The following COA1 variants were observed in gnomAD, a reference collection of about 807,000 sequenced individuals.
COA1 encodes the protein cytochrome c oxidase assembly factor 1 homolog.
In COA1, 13 loss-of-function variants were observed where a neutral mutation model predicts 16.0. The observed-to-expected ratio is 0.81, with a 90% confidence interval of 0.53 to 1.29. The LOEUF (loss-of-function observed/expected upper bound fraction) is 1.29. Ranked by LOEUF, COA1 falls within the 50% of genes most tolerant of loss-of-function variation. The pLI, the probability that COA1 is intolerant of heterozygous loss-of-function variation, is 0.00. For synonymous variants in COA1, 65 were observed against 65.7 expected (o/e 0.99, Z 0.05); for missense variants, 179 against 177.0 (o/e 1.01, Z -0.06).
chr7:43,619,673 TGAA>T, intron 6 of COA1: 7 of 1,614,142 alleles, frequency 4.3e-6, no homozygotes, highest in South Asian at 1.1e-5. Context: ...TCAAGAATAT[TGAA>T]GAACAGTGAA....
At chr7:43,689,362 G>A (rs2094174428) in intron 1 of COA1, among the ~76,000 whole-genome samples, 1 of 152,208 alleles carries the variant, frequency 6.6e-6, no homozygotes, top group Admixed American at 6.5e-5. Flanking sequence ...TCTGGTATGT[G>A]TGTGTTTGTG....
intron 1 of COA1, among the ~76,000 whole-genome samples, chr7:43,658,252 G>A (rs1033267015): frequency 7.3e-5 from 11 of 151,656 alleles, no homozygotes; most frequent in South Asian, 6.3e-4. Flanking sequence ...GGCGGGCACC[G>A]GGAGGCGGAG....
chr7:43,687,616 T>A (rs1485808511), intron 1 of COA1, among the ~76,000 whole-genome samples: 1 of 152,192 alleles, frequency 6.6e-6, no homozygotes, highest in East Asian at 1.9e-4. Context: ...TGACAAAAAT[T>A]GACATTAAAG....
intron 1 of COA1, among the ~76,000 whole-genome samples, chr7:43,662,506 A>C (rs564083006): frequency 2.0e-5 from 3 of 152,386 alleles, no homozygotes; most frequent in African/African-American, 4.8e-5. Flanking sequence ...CTGGGATTAC[A>C]GGCGTGAGCC....
chr7:43,688,831 A>G (rs1429030749), intron 1 of COA1, among the ~76,000 whole-genome samples: 1 of 152,200 alleles, frequency 6.6e-6, no homozygotes, highest in Non-Finnish European at 1.5e-5. Context: ...CCTTTCAATA[A>G]TACTTTCTAG....
intron 5 of COA1, among the ~76,000 whole-genome samples, chr7:43,640,095 C>T (rs939555260): frequency 1.3e-5 from 2 of 152,144 alleles, no homozygotes; most frequent in African/African-American, 4.8e-5. Context: ...TACAGCCTGG[C>T]TAAACAGCAA....
intron 6 of COA1, chr7:43,619,746 T>G: frequency 6.2e-7 from 1 of 1,611,800 alleles, no homozygotes; most frequent in Non-Finnish European, 8.5e-7. Context: ...AAAAGTAGTT[T>G]TGTTCTGGGG....
chr7:43,644,672 G>A (rs960235961), intron 4 of COA1, among the ~76,000 whole-genome samples: 2 of 149,204 alleles, frequency 1.3e-5, no homozygotes, highest in Non-Finnish European at 3.0e-5. Context: ...GATTATAGGT[G>A]TGCACTATCA....
At chr7:43,631,083 G>A (rs571078914) in intron 6 of COA1, 19 of 151,618 alleles carry the variant, frequency 1.3e-4, no homozygotes, top group African/African-American at 3.9e-4. Context: ...TTCCTTTCTG[G>A]TTCAAGAACT....
At chr7:43,712,417 C>T (rs1461305921) in intron 1 of COA1, among the ~76,000 whole-genome samples, 1 of 152,068 alleles carries the variant, frequency 6.6e-6, no homozygotes, top group Non-Finnish European at 1.5e-5. Flanking sequence ...TCATATTCCT[C>T]CAGAATTTTG....
intron 6 of COA1, among the ~76,000 whole-genome samples, chr7:43,617,488 G>A (rs896459517): frequency 6.6e-6 from 1 of 152,176 alleles, no homozygotes; most frequent in African/African-American, 2.4e-5. Context: ...ATGGAAGAGC[G>A]GGGAGGAAAG....
At chr7:43,710,375 A>AAAAAAATATATATATATAT (rs761592421) in intron 1 of COA1, among the ~76,000 whole-genome samples, 1 of 36,432 alleles carries the variant, frequency 2.7e-5, no homozygotes, top group Non-Finnish European at 4.7e-5. Flanking sequence ...AAAAAAAAAA[A>AAAAAAATATATATATATAT]ATATATATAT....
At chr7:43,679,059 A>G (rs964558115) in intron 1 of COA1, among the ~76,000 whole-genome samples, 1 of 152,154 alleles carries the variant, frequency 6.6e-6, no homozygotes, top group Non-Finnish European at 1.5e-5. Flanking sequence ...CGGGTTGATT[A>G]CTTGAGGTCA....
intron 6 of COA1, among the ~76,000 whole-genome samples, chr7:43,614,303 T>C (rs922979813): frequency 2.0e-5 from 3 of 152,226 alleles, no homozygotes; most frequent in African/African-American, 7.2e-5. Context: ...TCCACTGTTA[T>C]CACCTCTCTA....
rs2086525927 is a variant in COA1, at chr7:43,639,517, A to C, written c.*65T>G. ...TGTCACTGAGATGGGCCACCACCCC[A>C]GTGGCCATATGGTAGAGATGAGGGA... On this transcript the variant is annotated 3_prime_UTR_variant, in exon 6 of 6. Transcript: ENST00000223336. The C allele has an allele frequency of 7.6e-7, 1 of 1,312,028 alleles. No homozygotes were observed. Among genetic ancestry groups the C allele is most frequent in the Non-Finnish European group, 1.1e-6 (1 of 908,060 alleles). 81.3% of individuals were successfully genotyped at this position (1,312,028 alleles called of 1,614,324 possible). A position where few individuals can be genotyped will look rare whatever the true frequency, so the allele number is the denominator to read the frequency against.
At chr7:43,642,494 T>C (rs2153073076) in intron 4 of COA1, among the ~76,000 whole-genome samples, 1 of 152,284 alleles carries the variant, frequency 6.6e-6, no homozygotes, top group South Asian at 2.1e-4. Context: ...GTCCCACTGT[T>C]TGAGTCAAGC....
chr7:43,681,120 T>C (rs560750048), intron 1 of COA1, among the ~76,000 whole-genome samples: 26 of 152,326 alleles, frequency 1.7e-4, no homozygotes, highest in Middle Eastern at 3.4e-3. Context: ...ACCCTCATCA[T>C]TTCTGTCATT....
At chr7:43,661,889 A>G (rs1370922594) in intron 1 of COA1, among the ~76,000 whole-genome samples, 1 of 152,264 alleles carries the variant, frequency 6.6e-6, no homozygotes, top group Non-Finnish European at 1.5e-5. Flanking sequence ...TCATGGTGAA[A>G]GTAATGAATA....
chr7:43,670,665 T>C (rs2093204411), intron 1 of COA1, among the ~76,000 whole-genome samples: 1 of 152,142 alleles, frequency 6.6e-6, no homozygotes, highest in South Asian at 2.1e-4. Context: ...CTAAATGCAC[T>C]AAAAGAGACA....
Sources: allele counts gnomAD v4.1 joint callset (sites outside exome capture counted in the v4.1 genomes callset), GRCh38; gene constraint gnomAD v4.1.1; transcripts MANE v1.5; gene names NCBI Gene and HGNC (gene_info 2026-07-23, HGNC 2026-07-21).